PHTF2: variants seen among roughly 807,000 people sequenced by gnomAD.
PHTF2 encodes the protein putative homeodomain transcription factor 2.
In PHTF2, 60 loss-of-function variants were observed where a neutral mutation model predicts 101.2. The observed-to-expected ratio is 0.59, with a 90% CI of 0.48 to 0.73. The LOEUF is 0.73. Among genes scored for constraint, PHTF2 ranks in the 30% least tolerant of loss-of-function variants. PHTF2 has a pLI of 0.00. For synonymous variants in PHTF2, 311 were observed against 307.3 expected (o/e 1.01, Z -0.13); for missense variants, 747 against 908.7 (o/e 0.82, Z 2.29).
At chr7:77,811,589 CACTT>C (rs1793444477) in intron 1 of PHTF2, among the ~76,000 whole-genome samples, 2 of 152,240 alleles carry the variant, frequency 1.3e-5, no homozygotes, top group East Asian at 1.9e-4. Flanking sequence ...CCTCTTTATT[CACTT>C]ACTTATTCAT....
intron 15 of PHTF2, among the ~76,000 whole-genome samples, chr7:77,942,111 C>T (rs1183607476): frequency 6.6e-6 from 1 of 152,162 alleles, no homozygotes; most frequent in Non-Finnish European, 1.5e-5. Context: ...CTGCTGTGTG[C>T]CATCATGCCC....
chr7:77,906,056 C>G (rs1019516940), intron 7 of PHTF2, among the ~76,000 whole-genome samples: 3 of 152,140 alleles, frequency 2.0e-5, no homozygotes, highest in African/African-American at 7.2e-5. Flanking sequence ...AGCATGATCT[C>G]GGTTCACTGC....
In PHTF2 at chr7:77,902,006, AC is replaced by A. The variant is rs1720422609; in HGVS notation, c.445+87del. On this transcript the variant is annotated intron_variant, in intron 7 of 19. Transcript: ENST00000416283. Reference sequence around the variant, plus strand: ...TCTTTGTTTTAAACATATGCTAACTACTACTGAGTATGATGTATAAGTATGT... The same window carrying A: ...TCTTTGTTTTAAACATATGCTAACTATACTGAGTATGATGTATAAGTATGT... 16 of 627,208 alleles carry A rather than the reference AC, an allele frequency of 2.6e-5. No homozygotes were observed. In the South Asian group the frequency reaches 5.5e-4, roughly 22 times the overall value. The allele number at this position is 627,208 out of a possible 1,614,324, so 38.9% of individuals were successfully genotyped here. A position where few individuals can be genotyped will look rare whatever the true frequency, so the allele number is the denominator to read the frequency against.
chr7:77,830,027 A>G (rs1360644739), intron 1 of PHTF2, among the ~76,000 whole-genome samples: 2 of 152,192 alleles, frequency 1.3e-5, no homozygotes, highest in Non-Finnish European at 2.9e-5. Context: ...CTGTGGTGGT[A>G]CTTTGGCAAC....
At position 77,937,704 on chromosome 7, in the gene PHTF2, T is replaced by TA; in HGVS notation, c.1339-6_1339-5insA. The TA allele has an allele frequency of 8.0e-6, 10 of 1,247,504 alleles. No homozygotes were observed. The highest frequency in any genetic ancestry group is 2.8e-5 in the East Asian group (1 of 35,478). The allele number at this position is 1,247,504 out of a possible 1,614,324, so 77.3% of individuals were successfully genotyped here. The stretch of plus-strand genomic sequence containing the variant: ...ATATATTTACTAATTTTTTTTTTTT[T>TA]TATAGAGTCATTTGCCCTGGCTCCA... On this transcript the variant is annotated splice_region_variant and splice_polypyrimidine_tract_variant and intron_variant, in intron 12 of 19. Transcript: ENST00000416283.
intron 3 of PHTF2, among the ~76,000 whole-genome samples, chr7:77,892,386 C>T (rs1331059753): frequency 1.3e-5 from 2 of 152,140 alleles, no homozygotes; most frequent in Non-Finnish European, 2.9e-5. Flanking sequence ...TTTTGGTATT[C>T]TCAGTTTCTC....
intron 1 of PHTF2, among the ~76,000 whole-genome samples, chr7:77,805,567 T>C (rs1313792597): frequency 6.6e-6 from 1 of 152,212 alleles, no homozygotes; most frequent in Non-Finnish European, 1.5e-5. Flanking sequence ...CCCAAAATAG[T>C]GTTTTGACTA....
At chr7:77,900,422 C>G (rs1801285968) in intron 5 of PHTF2, among the ~76,000 whole-genome samples, 1 of 152,184 alleles carries the variant, frequency 6.6e-6, no homozygotes, top group Non-Finnish European at 1.5e-5. Flanking sequence ...ACACCTAAAG[C>G]TGTACACCTA....
intron 2 of PHTF2, among the ~76,000 whole-genome samples, chr7:77,851,207 A>G (rs1796733121): frequency 6.6e-6 from 1 of 152,198 alleles, no homozygotes; most frequent in Admixed American, 6.5e-5. Context: ...AATGTTTGGT[A>G]AAGTATAGCA....
At chr7:77,804,859 A>T (rs964257905) in intron 1 of PHTF2, among the ~76,000 whole-genome samples, 1 of 152,222 alleles carries the variant, frequency 6.6e-6, no homozygotes, top group Non-Finnish European at 1.5e-5. Flanking sequence ...ATTTCCTTTT[A>T]ATTTAGCCTT....
intron 3 of PHTF2, among the ~76,000 whole-genome samples, chr7:77,875,567 TA>T (rs1798864327): frequency 6.6e-6 from 1 of 151,584 alleles, no homozygotes; most frequent in African/African-American, 2.4e-5. Flanking sequence ...TTATTATTAT[TA>T]TTTTTTTGAC....
At chr7:77,914,980 C>T (rs996728855) in intron 9 of PHTF2, among the ~76,000 whole-genome samples, 4 of 152,036 alleles carry the variant, frequency 2.6e-5, no homozygotes, top group Non-Finnish European at 4.4e-5. Flanking sequence ...GGCACGATCT[C>T]GGCTCACTGC....
chr7:77,863,728 T>G (rs1797826260), intron 3 of PHTF2, among the ~76,000 whole-genome samples: 1 of 151,966 alleles, frequency 6.6e-6, no homozygotes. Context: ...CATTTATGTT[T>G]AAATAACATT....
At chr7:77,953,115 T>C (rs1413778701) in intron 18 of PHTF2, among the ~76,000 whole-genome samples, 2 of 152,208 alleles carry the variant, frequency 1.3e-5, no homozygotes, top group African/African-American at 4.8e-5. Context: ...CATGTGTCTT[T>C]TAGAATATTT....
At chr7:77,801,003 T>C (rs907664920) in intron 1 of PHTF2, among the ~76,000 whole-genome samples, 16 of 152,292 alleles carry the variant, frequency 1.1e-4, no homozygotes, top group African/African-American at 3.6e-4. Flanking sequence ...GACTACTCAG[T>C]GGAAAATAAC....
chr7:77,937,636 A>G, intron 12 of PHTF2, 74 bp from the exon 12 acceptor site: 1 of 508,886 alleles, frequency 2.0e-6, no homozygotes, highest in Non-Finnish European at 3.2e-6. Flanking sequence ...AGAGATATAT[A>G]TACAACTTTA....
chr7:77,937,762 C>A, exon 13 of PHTF2: 1 of 1,511,562 alleles, frequency 6.6e-7, no homozygotes, highest in Non-Finnish European at 9.0e-7. Context: ...AAAATAAGTG[C>A]TATAGTATGG....
At chr7:77,952,160 A>C (rs1326758949) in intron 18 of PHTF2, among the ~76,000 whole-genome samples, 1 of 152,156 alleles carries the variant, frequency 6.6e-6, no homozygotes, top group Non-Finnish European at 1.5e-5. Flanking sequence ...AACAAAAAGG[A>C]ATACAATTTT....
At chr7:77,799,651 T>C (rs1419305631) in intron 1 of PHTF2, among the ~76,000 whole-genome samples, 1 of 152,220 alleles carries the variant, frequency 6.6e-6, no homozygotes. Context: ...ACAGCCAGCA[T>C]TCTGGTATTG....
Sources: gnomAD v4.1 joint callset for allele counts (sites outside exome capture counted in the v4.1 genomes callset) on GRCh38, gnomAD v4.1.1 for gene constraint, MANE v1.5 for transcripts, NCBI Gene and HGNC (gene_info 2026-07-23, HGNC 2026-07-21) for gene names.